SPATA13: variants seen among roughly 807,000 people sequenced by gnomAD.
The protein encoded by SPATA13 is spermatogenesis associated 13.
SPATA13 carries 50 observed loss-of-function variants against 104.0 expected under a neutral mutation model. The ratio of observed to expected loss-of-function variants is 0.48; its 90% CI spans 0.38 to 0.61. SPATA13 has a LOEUF of 0.61. SPATA13 is among the 20% of genes least tolerant of loss of function. The probability of loss-of-function intolerance (pLI) is 0.00; values close to 1 mark genes in which losing one functional copy is unlikely to be tolerated. For missense variants in SPATA13, 1,524 were observed against 1,690.6 expected (o/e 0.90, Z 1.73); for synonymous variants, 606 against 667.5 (o/e 0.91, Z 1.42).
At chr13:24,273,711 G>A (rs190619393) in intron 4 of SPATA13, among the ~76,000 whole-genome samples, 65 of 152,290 alleles carry the variant, frequency 4.3e-4, no homozygotes, top group Non-Finnish European at 7.1e-4. Context: ...TATTTTAAAA[G>A]AGGTTAGTCT....
rs74977622 is a variant in SPATA13, at chr13:24,084,036, T to A, written c.-112+66335T>A. Among the ~76,000 whole-genome samples the A allele has an allele frequency of 7.3e-3, 1,109 of 152,116 alleles. 7 individuals carry two copies. The highest frequency in any genetic ancestry group is 0.034 in the Middle Eastern group (10 of 294). ...TGTTGCCTATTCTGAAAGTGGAAGG[T>A]TTTCTGGATTATAGTTTAACAAGCG... On this transcript the variant is annotated intron_variant, in intron 3 of 14. Transcript: ENST00000424834.
chr13:24,158,277 C>G (rs146932013), upstream of SPATA13, among the ~76,000 whole-genome samples: 3 of 152,124 alleles, frequency 2.0e-5, no homozygotes, highest in African/African-American at 7.2e-5. Context: ...ATGCAGATGC[C>G]GGCCTTGTCT....
At chr13:24,224,923 T>C (rs930353822) in intron 2 of SPATA13, 3 of 377,384 alleles carry the variant, frequency 7.9e-6, no homozygotes, top group African/African-American at 6.2e-5. Context: ...CATGCAGCTC[T>C]GACTCATATC....
Position 24,284,200 on chromosome 13 carries a change from A to G in SPATA13, c.2230A>G (p.Ser744Gly). 1 of 1,613,804 alleles carries G rather than the reference A, an allele frequency of 6.2e-7. No individual in the cohort carries two copies. ...TGACAACGGTAGTGAGGAGGACTTC[A>G]GCTATGAAGACCTCTGCCAGGCCAG... ...VDDNGSEEDFSYEDLCQASPR... is the reference protein window; with the variant it reads ...VDDNGSEEDFGYEDLCQASPR... The change falls in exon 5 of 13, where the codon AGC (serine) becomes GGC (glycine). Residue 744 changes from serine (S) to glycine (G), a missense_variant. Coordinates refer to ENST00000382108, the MANE Select transcript of SPATA13 (RefSeq NM_001166271.3).
chr13:24,019,588 G>T lies in SPATA13; in HGVS notation c.-112+1887G>T, dbSNP rs979036488. On this transcript the variant is annotated intron_variant, in intron 3 of 14. Transcript: ENST00000424834. ...GCTAAATAGCTAGGAAACTTTTCTT[G>T]AGCAGAATATTACTAGTGCATTCTC... is the stretch of plus-strand genomic sequence containing the variant. 3.9e-5 allele frequency among the ~76,000 whole-genome samples: 6 copies of T among 152,180 alleles called. No individual in the cohort carries two copies. In the East Asian group the frequency reaches 1.2e-3, roughly 29 times the overall value.
chr13:24,181,696 A>G (rs1225228271), intron 1 of SPATA13, among the ~76,000 whole-genome samples: 2 of 152,084 alleles, frequency 1.3e-5, no homozygotes, highest in East Asian at 1.9e-4. Context: ...GTCATCTGCT[A>G]TAATAATAAC....
At chr13:24,166,023 G>A (rs1882718578) in intron 1 of SPATA13, among the ~76,000 whole-genome samples, 1 of 152,182 alleles carries the variant, frequency 6.6e-6, no homozygotes, top group Non-Finnish European at 1.5e-5. Flanking sequence ...GGGGGGTGGA[G>A]TGCTCTTCTG....
chr13:24,074,542 A>T (rs1009188144), intron 3 of SPATA13, among the ~76,000 whole-genome samples: 1 of 152,168 alleles, frequency 6.6e-6, no homozygotes, highest in Admixed American at 6.5e-5. Flanking sequence ...TGTATCAGGC[A>T]CTGCTCTAAC....
intron 2 of SPATA13, among the ~76,000 whole-genome samples, chr13:23,984,578 C>A (rs1177457166): frequency 2.6e-5 from 4 of 152,162 alleles, no homozygotes; most frequent in African/African-American, 9.7e-5. Context: ...CCCAGTCATA[C>A]CCCTTTACTT....
At chr13:24,061,791 G>A (rs961925731) in intron 3 of SPATA13, among the ~76,000 whole-genome samples, 1 of 151,300 alleles carries the variant, frequency 6.6e-6, no homozygotes, top group Admixed American at 6.6e-5. Context: ...CCTGGGTGAT[G>A]AAATAATCTT....
intron 3 of SPATA13, among the ~76,000 whole-genome samples, chr13:24,079,388 T>C (rs1029718741): frequency 2.0e-5 from 3 of 152,210 alleles, no homozygotes; most frequent in African/African-American, 7.2e-5. Flanking sequence ...AAGATCACCC[T>C]GGTTTCTTGC....
chr13:24,164,426 T>C lies in SPATA13; in HGVS notation c.-112+3494T>C, dbSNP rs192887398. Among the ~76,000 whole-genome samples the C allele has an allele frequency of 2.1e-3, 323 of 152,298 alleles. 2 individuals carry two copies. The highest frequency in any genetic ancestry group is 7.5e-3 in the African/African-American group (312 of 41,572). ...TGCTCACCTCCTCCATACCAGCCTG[T>C]CTTGACAGAATGAAACCCTGATGCC... On this transcript the variant is annotated intron_variant, in intron 1 of 12. Transcript: ENST00000382108.
At chr13:23,999,286 T>C (rs780553102) in intron 2 of SPATA13, among the ~76,000 whole-genome samples, 1 of 150,892 alleles carries the variant, frequency 6.6e-6, no homozygotes, top group Non-Finnish European at 1.5e-5. Flanking sequence ...CTATAGGTCC[T>C]CCATTTTTTT....
intron 3 of SPATA13, among the ~76,000 whole-genome samples, chr13:24,023,514 G>T (rs993849094): frequency 1.3e-5 from 2 of 152,200 alleles, no homozygotes; most frequent in Non-Finnish European, 2.9e-5. Flanking sequence ...CCTGGCATTT[G>T]TGAATGTGTT....
In SPATA13 at chr13:24,286,277, C is replaced by T. The variant is rs1430341743; in HGVS notation, c.2365C>T (p.Gln789Ter). The change falls in exon 6 of 13, where the codon CAG becomes TAG. Residue 789 changes from glutamine to a stop codon, truncating the protein, a stop_gained. Transcript: ENST00000382108. LOFTEE classifies it high-confidence loss of function. This position sits in a 1 kb window ranked among gnomAD's most constrained non-coding sequence, Gnocchi z 4.9. ...GTGGGACCATGTGACCATGGATGACCAGGAACTGGGCTTCAAAGCCGGGGA... is the reference window on the plus strand; with the variant it reads ...GTGGGACCATGTGACCATGGATGACTAGGAACTGGGCTTCAAAGCCGGGGA... ...ALWDHVTMDD[Q>*]ELGFKAGDVI... The T allele has an allele frequency of 6.2e-7, 1 of 1,613,892 alleles. No homozygotes were observed. Among genetic ancestry groups the T allele is most frequent in the African/African-American group, 1.3e-5 (1 of 74,894 alleles).
At chr13:24,227,986 C>T (rs1236610077) in intron 2 of SPATA13, among the ~76,000 whole-genome samples, 6 of 152,058 alleles carry the variant, frequency 3.9e-5, no homozygotes, top group Non-Finnish European at 7.4e-5. Context: ...CTCACTGCAA[C>T]CTCTATCTCC....
At chr13:24,271,408 G>A (rs1427069373) in intron 4 of SPATA13, among the ~76,000 whole-genome samples, 3 of 152,114 alleles carry the variant, frequency 2.0e-5, no homozygotes, top group Non-Finnish European at 4.4e-5. Flanking sequence ...GTTTAAGGCT[G>A]TGAGCTGATC....
intron 2 of SPATA13, among the ~76,000 whole-genome samples, chr13:24,240,979 G>T (rs1872803955): frequency 6.9e-6 from 1 of 144,588 alleles, no homozygotes; most frequent in Non-Finnish European, 1.5e-5. Context: ...GGTTATGATA[G>T]TTGCTTCTTT....
intron 3 of SPATA13, among the ~76,000 whole-genome samples, chr13:24,030,533 C>A (rs1365752212): frequency 6.6e-6 from 1 of 152,144 alleles, no homozygotes; most frequent in African/African-American, 2.4e-5. Flanking sequence ...CCTGCCCACC[C>A]ATGTTTCCAT....
Sources: gnomAD v4.1 joint callset for allele counts (sites outside exome capture counted in the v4.1 genomes callset) on GRCh38, gnomAD v4.1.1 for gene constraint, Gnocchi (gnomAD v3.1) non-coding constraint, MANE v1.5 for transcripts, NCBI Gene and HGNC (gene_info 2026-07-23, HGNC 2026-07-21) for gene names.